Variants in MTHFD1L observed in about 807,000 individuals in gnomAD.
MTHFD1L encodes the protein monofunctional C1-tetrahydrofolate synthase, mitochondrial.
MTHFD1L carries 81 observed loss-of-function variants against 119.5 expected under a neutral mutation model. The observed-to-expected ratio is 0.68, with a 90% CI of 0.57 to 0.82. The LOEUF is 0.82. Ranked by LOEUF, MTHFD1L falls within the 40% of genes least tolerant of loss-of-function variation. The pLI, the probability that MTHFD1L is intolerant of heterozygous loss-of-function variation, is 0.00. For synonymous variants in MTHFD1L, 430 were observed against 475.2 expected, an observed-to-expected ratio of 0.90 and a Z score of 1.24; for missense variants, 1,125 against 1,253.4, an observed-to-expected ratio of 0.90 and a Z score of 1.55.
At position 150,925,816 on chromosome 6, in the gene MTHFD1L, C is replaced by CTGCAA. The variant is rs539705019; in HGVS notation, c.1083-305_1083-304insGCAAT. 5.1e-3 allele frequency among the ~76,000 whole-genome samples: 780 copies of CTGCAA among 152,270 alleles called. 1 individual carries two copies. Among genetic ancestry groups the CTGCAA allele is most frequent in the African/African-American group, 0.018 (747 of 41,544 alleles). On this transcript the variant is annotated intron_variant, in intron 10 of 27. Coordinates refer to ENST00000367321, the MANE Select transcript of MTHFD1L (RefSeq NM_015440.5). ...CATTTTGCTCTGTAGTCGAATCACA[C>CTGCAA]TTGCAGGAGGGTTTTGGACACATTA...
At position 151,026,031 on chromosome 6, in the gene MTHFD1L, G is replaced by A. The variant is rs77480598; in HGVS notation, c.2587-8462G>A. On this transcript the variant is annotated intron_variant, in intron 24 of 27. Coordinates refer to ENST00000367321, the MANE Select transcript of MTHFD1L (RefSeq NM_015440.5). ...TTTCATTTTATTTTGTCCATTTTTT[G>A]TCATCAAAAAATTATTTTAAAATGT... Among the ~76,000 whole-genome samples the A allele has an allele frequency of 9.2e-5, 14 of 151,800 alleles. No individual in the cohort carries two copies. In the East Asian group the frequency reaches 2.7e-3, roughly 29 times the overall value.
chr6:151,071,106 A>C (rs1293740869), intron 26 of MTHFD1L, among the ~76,000 whole-genome samples: 4 of 152,210 alleles, frequency 2.6e-5, no homozygotes, highest in African/African-American at 9.6e-5. Flanking sequence ...TAATCCTACC[A>C]AGTCTAGTAG....
In MTHFD1L at chr6:150,992,411, G is replaced by A. The variant is rs189091280; in HGVS notation, c.2126-17408G>A. 7.2e-4 allele frequency among the ~76,000 whole-genome samples: 109 copies of A among 152,352 alleles called. 1 individual carries two copies. Among genetic ancestry groups the A allele is most frequent in the Non-Finnish European group, 1.1e-3 (78 of 68,028 alleles). Reference sequence around the variant, plus strand: ...TGAAAACCTGATCTGCATAAGCTCTGAGTTCATAGGAGTTATGACCATGGG... The same window carrying A: ...TGAAAACCTGATCTGCATAAGCTCTAAGTTCATAGGAGTTATGACCATGGG... On this transcript the variant is annotated intron_variant, in intron 20 of 27. Transcript: ENST00000367321.
intron 19 of MTHFD1L, among the ~76,000 whole-genome samples, chr6:150,971,202 A>G (rs1404860981): frequency 6.6e-6 from 1 of 151,960 alleles, no homozygotes; most frequent in African/African-American, 2.4e-5. Flanking sequence ...TTTATTTATT[A>G]TTTTTTTCAT....
chr6:150,996,614 T>G (rs1035061604), intron 20 of MTHFD1L, among the ~76,000 whole-genome samples: 2 of 152,198 alleles, frequency 1.3e-5, no homozygotes, highest in East Asian at 3.9e-4. Context: ...TCTCAAACTC[T>G]GCAGCTCAGC....
chr6:150,904,526 A>G (rs1237326826), intron 7 of MTHFD1L, among the ~76,000 whole-genome samples: 1 of 152,190 alleles, frequency 6.6e-6, no homozygotes, highest in Non-Finnish European at 1.5e-5. Context: ...CCTTTGGAAT[A>G]TTCAATGGTG....
At position 150,925,270 on chromosome 6, in the gene MTHFD1L, G is replaced by A. The variant is rs910540562; in HGVS notation, c.1083-852G>A. 1.2e-3 allele frequency among the ~76,000 whole-genome samples: 189 copies of A among 152,286 alleles called. 2 individuals are homozygous for A. Among genetic ancestry groups the A allele is most frequent in the Non-Finnish European group, 2.1e-4 (14 of 68,026 alleles). ...GTCCCCCGCCGCGTGGTCTCCCGGG[G>A]TTAGTCTTGCTGCTGGGGGAACAGG... On this transcript the variant is annotated intron_variant, in intron 10 of 27. Transcript: ENST00000367321.
chr6:151,077,434 G>T (rs757147683), intron 26 of MTHFD1L, among the ~76,000 whole-genome samples: 9 of 152,026 alleles, frequency 5.9e-5, no homozygotes, highest in Middle Eastern at 3.4e-3. Context: ...CCTGAGGTCA[G>T]GAATTCAAGA....
chr6:151,063,520 T>C (rs1790878023), intron 26 of MTHFD1L, among the ~76,000 whole-genome samples: 1 of 152,218 alleles, frequency 6.6e-6, no homozygotes, highest in Non-Finnish European at 1.5e-5. Context: ...TGATGAGTAA[T>C]CTAGTTAAAC....
chr6:151,024,536 CAAAAA>C (rs11361619), intron 24 of MTHFD1L, among the ~76,000 whole-genome samples: 2 of 143,150 alleles, frequency 1.4e-5, no homozygotes, highest in South Asian at 4.5e-4. Context: ...GAGCCAAGCT[CAAAAA>C]AAAAAGGCCA....
chr6:150,938,817 C>T (rs1475299911), intron 13 of MTHFD1L, 72 bp downstream of exon 13: 10 of 1,504,646 alleles, frequency 6.6e-6, no homozygotes, highest in Middle Eastern at 3.4e-4. Flanking sequence ...TGCTCCCATC[C>T]ACACAGGCCC....
Position 151,071,903 on chromosome 6 carries a change from C to T in MTHFD1L, c.2848-20564C>T, listed in dbSNP as rs553621073. On this transcript the variant is annotated intron_variant, in intron 26 of 27. Transcript: ENST00000367321. ...GATCATCCAGACTGGAGTGCAATGG[C>T]GCGATCTTGGCTCACTGCAACCTCT... 1.3e-4 allele frequency among the ~76,000 whole-genome samples: 16 copies of T among 126,878 alleles called. No individual in the cohort carries two copies. The South Asian group carries it at 1.6e-3, about 13-fold the overall frequency. The allele number at this position is 126,878 out of a possible 152,430, so 83.2% of individuals were successfully genotyped here.
At chr6:150,956,256 A>C (rs185269982) in intron 17 of MTHFD1L, among the ~76,000 whole-genome samples, 185 bp downstream of exon 17, 53 of 152,068 alleles carry the variant, frequency 3.5e-4, no homozygotes, top group Admixed American at 4.6e-4. Flanking sequence ...GTGTCTTTTT[A>C]CCATCTTTTC....
At chr6:150,922,152 G>A (rs1789059480) in intron 9 of MTHFD1L, 53 bp from the exon 10 acceptor site, 3 of 1,296,336 alleles carry the variant, frequency 2.3e-6, no homozygotes, top group Non-Finnish European at 3.4e-6. Flanking sequence ...TTAAGTGTGT[G>A]CCCTGTCAGC....
intron 11 of MTHFD1L, 113 bp from the exon 12 acceptor site, chr6:150,936,691 A>G: frequency 7.9e-7 from 1 of 1,258,978 alleles, no homozygotes; most frequent in Non-Finnish European, 1.1e-6. Context: ...AAATTAAATT[A>G]TGGAGTGCAT....
chr6:151,087,467 G>C (rs1793931040), intron 26 of MTHFD1L, among the ~76,000 whole-genome samples: 1 of 152,072 alleles, frequency 6.6e-6, no homozygotes, highest in South Asian at 2.1e-4. Flanking sequence ...TAAAAATGCT[G>C]CTCCTTTTCT....
chr6:151,063,295 CTG>C (rs1261190338), intron 26 of MTHFD1L, among the ~76,000 whole-genome samples: 9 of 152,188 alleles, frequency 5.9e-5, no homozygotes, highest in Non-Finnish European at 1.2e-4. Context: ...TAATGGTAGA[CTG>C]TAAATTTTAA....
chr6:150,948,113 T>C (rs9371481), intron 15 of MTHFD1L, among the ~76,000 whole-genome samples: 41,759 of 151,786 alleles, frequency 0.28, 6,901 homozygotes, highest in East Asian at 0.43. Context: ...GTTAAAGCGA[T>C]TCTCCTGCCT....
At chr6:151,083,874 G>T (rs1377682364) in intron 26 of MTHFD1L, among the ~76,000 whole-genome samples, 1 of 152,028 alleles carries the variant, frequency 6.6e-6, no homozygotes, top group Non-Finnish European at 1.5e-5. Flanking sequence ...GTATCATTTT[G>T]GAAATCTCTC....
Sources: allele counts gnomAD v4.1 joint callset (sites outside exome capture counted in the v4.1 genomes callset), GRCh38; gene constraint gnomAD v4.1.1; transcripts MANE v1.5; gene names NCBI Gene and HGNC (gene_info 2026-07-23, HGNC 2026-07-21).